MAP4K4: variants seen among roughly 807,000 people sequenced by gnomAD.
MAP4K4 encodes HPK/GCK-like kinase HGK.
MAP4K4 carries 38 observed loss-of-function variants against 189.6 expected under a neutral mutation model. That is an observed-to-expected ratio of 0.20 (90% CI 0.15 to 0.26). The LOEUF is 0.26. MAP4K4 is among the 10% of genes least tolerant of loss of function. The pLI is 1.00. For missense variants in MAP4K4, 1,054 were observed against 1,726.9 expected (o/e 0.61, Z 6.91); for synonymous variants, 610 against 624.3 (o/e 0.98, Z 0.34).
At position 101,789,772 on chromosome 2, in the gene MAP4K4, G is replaced by A. The variant is rs544015745; in HGVS notation, c.124-948G>A. Among the ~76,000 whole-genome samples, 3 of 152,256 alleles carry A rather than the reference G, an allele frequency of 2.0e-5. No homozygotes were observed. In the East Asian group the frequency reaches 5.8e-4, roughly 29 times the overall value. ...CATATCTGGATGCTCTTTGCTACTG[G>A]CCTGAGAAATGACCAGCAGGGCATT... On this transcript the variant is annotated intron_variant, in intron 2 of 32. Coordinates refer to ENST00000324219, the Ensembl canonical transcript of MAP4K4.
chr2:101,786,845 T>C (rs2091450520), intron 2 of MAP4K4, among the ~76,000 whole-genome samples: 1 of 152,202 alleles, frequency 6.6e-6, no homozygotes, highest in Non-Finnish European at 1.5e-5. Flanking sequence ...TAGATGTGAA[T>C]AGTATTTGGG....
intron 2 of MAP4K4, among the ~76,000 whole-genome samples, chr2:101,723,058 C>G (rs911396253): frequency 2.0e-5 from 3 of 152,214 alleles, no homozygotes; most frequent in Non-Finnish European, 4.4e-5. Context: ...CACAAGGCGT[C>G]AGGAGGGAAA....
At chr2:101,781,907 A>C (rs944589526) in intron 2 of MAP4K4, among the ~76,000 whole-genome samples, 1 of 152,190 alleles carries the variant, frequency 6.6e-6, no homozygotes, top group African/African-American at 2.4e-5. Flanking sequence ...CCCACCTGCC[A>C]TCTGTCCTAG....
chr2:101,861,025 T>C (rs765376592), intron 16 of MAP4K4, 39 bp downstream of exon 16: 4 of 1,547,484 alleles, frequency 2.6e-6, no homozygotes, highest in East Asian at 2.4e-5. Context: ...AGGAGACTCA[T>C]GCAACGGCTC....
At chr2:101,752,231 C>T (rs779267576) in intron 2 of MAP4K4, among the ~76,000 whole-genome samples, 1 of 152,086 alleles carries the variant, frequency 6.6e-6, no homozygotes, top group Non-Finnish European at 1.5e-5. Flanking sequence ...TAAATGAAGT[C>T]ACAACAAGGT....
intron 2 of MAP4K4, among the ~76,000 whole-genome samples, chr2:101,743,498 G>A (rs1266329558): frequency 6.6e-6 from 1 of 152,074 alleles, no homozygotes; most frequent in African/African-American, 2.4e-5. Flanking sequence ...CTATTCATGT[G>A]ACAGGGCCTT....
At chr2:101,805,072 C>CAAAAAAAAA (rs36081384) in intron 3 of MAP4K4, among the ~76,000 whole-genome samples, 4 of 56,440 alleles carry the variant, frequency 7.1e-5, no homozygotes, top group East Asian at 4.4e-4. Flanking sequence ...GACTCCAGAT[C>CAAAAAAAAA]AAAAAAAAAA....
At chr2:101,706,513 A>G (rs538779169) in intron 2 of MAP4K4, among the ~76,000 whole-genome samples, 34 of 152,268 alleles carry the variant, frequency 2.2e-4, no homozygotes, top group Admixed American at 2.0e-3. Flanking sequence ...CTTTGTACCT[A>G]TCATCACCTT....
chr2:101,882,900 A>G (rs565933456), intron 28 of MAP4K4, among the ~76,000 whole-genome samples: 54 of 152,318 alleles, frequency 3.5e-4, no homozygotes, highest in African/African-American at 1.2e-3. Context: ...ACCTATATGC[A>G]TAACAGAGTT....
At chr2:101,849,336 C>T (rs963801007) in intron 12 of MAP4K4, among the ~76,000 whole-genome samples, 7 of 152,036 alleles carry the variant, frequency 4.6e-5, no homozygotes, top group African/African-American at 1.7e-4. Context: ...CCATTGTTGG[C>T]CAGGCTTGTT....
chr2:101,850,868 C>G (rs1274622718), intron 12 of MAP4K4, among the ~76,000 whole-genome samples: 1 of 151,944 alleles, frequency 6.6e-6, no homozygotes, highest in Non-Finnish European at 1.5e-5. Flanking sequence ...ATGAATAGTT[C>G]TCCACTGTAG....
intron 17 of MAP4K4, among the ~76,000 whole-genome samples, 184 bp from the exon 18 acceptor site, chr2:101,864,746 G>C (rs1171229878): frequency 6.6e-6 from 1 of 152,180 alleles, no homozygotes; most frequent in Non-Finnish European, 1.5e-5. Context: ...GGATGCTTGT[G>C]ACTAAATTTT....
At chr2:101,797,178 A>T in intron 3 of MAP4K4, 1 of 1,238,410 alleles carries the variant, frequency 8.1e-7, no homozygotes, top group Non-Finnish European at 1.0e-6. Context: ...CTAGACTGAA[A>T]ATAAGAACAA....
chr2:101,866,567 T>C, exon 19 of MAP4K4: 1 of 1,613,076 alleles, frequency 6.2e-7, no homozygotes, highest in South Asian at 1.1e-5. Context: ...CGGGGAACGC[T>C]TCAGAGTGAG....
chr2:101,698,232 G>C, intron 1 of MAP4K4, 95 bp downstream of exon 1: 2 of 472,458 alleles, frequency 4.2e-6, no homozygotes, highest in Non-Finnish European at 5.6e-6. Flanking sequence ...GGGCGCCGCC[G>C]TGGGCAGAGC....
Position 101,829,071 on chromosome 2 carries a change from A to G in MAP4K4, c.418-433A>G, listed in dbSNP as rs115334780. On this transcript the variant is annotated intron_variant, in intron 5 of 32. Transcript: ENST00000324219. Reference sequence around the variant, plus strand: ...CAGTGGGAAGGCTAGCCAGTGTTAAAGAGCCAGATTTCAAAGCCCTCTCTT... The same window carrying G: ...CAGTGGGAAGGCTAGCCAGTGTTAAGGAGCCAGATTTCAAAGCCCTCTCTT... 6.6e-4 allele frequency among the ~76,000 whole-genome samples: 101 copies of G among 152,342 alleles called. 1 individual carries two copies. Among genetic ancestry groups the G allele is most frequent in the African/African-American group, 2.2e-3 (93 of 41,592 alleles).
rs1446413696 is a variant in MAP4K4 at position 101,729,099 on chromosome 2, A to AGTGTGTGT, written c.123+30562_123+30563insTGTGTGTG. On this transcript the variant is annotated intron_variant, in intron 2 of 32. Coordinates refer to ENST00000324219, the Ensembl canonical transcript of MAP4K4. ...AGAGGAGAGAGAGAGAGAGAGAGAG[A>AGTGTGTGT]GAGTGTGTGTGTGTGTGTGTGTGTG... Among the ~76,000 whole-genome samples, 269 of 56,740 alleles carry AGTGTGTGT rather than the reference A, an allele frequency of 4.7e-3. 2 individuals carry two copies. The highest frequency in any genetic ancestry group is 0.012 in the African/African-American group (240 of 19,284). The allele number at this position is 56,740 out of a possible 152,430, so 37.2% of individuals were successfully genotyped here.
intron 15 of MAP4K4, 130 bp from the exon 16 acceptor site, chr2:101,860,695 C>G: frequency 7.1e-6 from 5 of 702,508 alleles, no homozygotes; most frequent in Non-Finnish European, 1.2e-5. Context: ...TTCCAGCTAC[C>G]CCTCTCTTTT....
chr2:101,742,159 C>T (rs2063120110), intron 2 of MAP4K4, among the ~76,000 whole-genome samples: 1 of 152,148 alleles, frequency 6.6e-6, no homozygotes, highest in Admixed American at 6.5e-5. Context: ...CAGAGTCCCG[C>T]ACTCTTGGGT....
Sources: gnomAD v4.1 joint callset for allele counts (sites outside exome capture counted in the v4.1 genomes callset) on GRCh38, gnomAD v4.1.1 for gene constraint, MANE v1.5 for transcripts, NCBI Gene and HGNC (gene_info 2026-07-23, HGNC 2026-07-21) for gene names.